MAGEC3: variants seen among roughly 807,000 people sequenced by gnomAD.
MAGEC3 encodes the protein MAGE family member C3.
Under a neutral mutation model 35.3 loss-of-function variants are expected in MAGEC3, and 34 were observed. The ratio of observed to expected loss-of-function variants is 0.96; its 90% confidence interval spans 0.73 to 1.28. The LOEUF is 1.28. Among genes scored for constraint, MAGEC3 ranks in the 50% most tolerant of loss-of-function variants. The pLI is 0.00. For missense variants in MAGEC3, 561 were observed against 483.6 expected (o/e 1.16, Z -1.50); for synonymous variants, 202 against 185.6 (o/e 1.09, Z -0.72).
At chrX:141,896,611 C>A (rs2018097293) in intron 6 of MAGEC3, 2 of 1,193,283 alleles carry the variant, frequency 1.7e-6, no homozygotes, top group African/African-American at 3.5e-5. Flanking sequence ...CATCCCCATC[C>A]CTGCTCACAC....
At chrX:141,896,580 C>A in intron 6 of MAGEC3, 1 of 1,190,467 alleles carries the variant, frequency 8.4e-7, no homozygotes, top group Non-Finnish European at 1.1e-6. Flanking sequence ...CACTGTCTTC[C>A]TCAGGCCTGT....
intron 4 of MAGEC3, among the ~76,000 whole-genome samples, chrX:141,894,242 C>A (rs1054217653): frequency 5.4e-5 from 6 of 111,996 alleles, no homozygotes; most frequent in Non-Finnish European, 5.6e-5. Context: ...TATGGAACTC[C>A]ACGCATTTGC....
intron 4 of MAGEC3, among the ~76,000 whole-genome samples, chrX:141,891,781 A>G (rs1213303572): frequency 9.4e-6 from 1 of 106,846 alleles, no homozygotes; most frequent in African/African-American, 3.4e-5. Flanking sequence ...ATGAGTAATG[A>G]CATACATGTA....
chrX:141,838,550 G>T, intron 1 of MAGEC3, 112 bp downstream of exon 1: 2 of 1,079,084 alleles, frequency 1.9e-6, no homozygotes. Context: ...GTCTGTTGGG[G>T]GTGAGGCTCT....
rs1187148112 is a variant in MAGEC3, at chrX:141,871,321, C to T, written c.258+5716C>T. Among the ~76,000 whole-genome samples, 7 of 110,650 alleles carry T rather than the reference C, an allele frequency of 6.3e-5. No homozygotes were observed. In the East Asian group the frequency reaches 2.0e-3, roughly 32 times the overall value. On this transcript the variant is annotated intron_variant, in intron 2 of 7. Coordinates refer to ENST00000298296, the MANE Select transcript of MAGEC3 (RefSeq NM_138702.1). Reference sequence around the variant, plus strand: ...ACAGATTTCGAGAGGTACTTATTTACGTCTAATTCCAGGGATTCCATAAGG... The same window carrying T: ...ACAGATTTCGAGAGGTACTTATTTATGTCTAATTCCAGGGATTCCATAAGG...
chrX:141,887,956 C>A (rs1182555682), intron 4 of MAGEC3, among the ~76,000 whole-genome samples: 1 of 112,253 alleles, frequency 8.9e-6, no homozygotes, highest in Non-Finnish European at 1.9e-5. Context: ...AATCACCATG[C>A]AACCTGAACT....
chrX:141,896,736 A>G, intron 6 of MAGEC3, 146 bp from the exon 7 acceptor site: 1 of 1,211,678 alleles, frequency 8.3e-7, no homozygotes, highest in Non-Finnish European at 1.1e-6. Flanking sequence ...TGGTAGATGC[A>G]CAGGATTCCA....
At chrX:141,886,626 TGG>T in intron 4 of MAGEC3, among the ~76,000 whole-genome samples, 1 of 110,882 alleles carries the variant, frequency 9.0e-6, no homozygotes. Flanking sequence ...TAGCTCAGCT[TGG>T]ACTTACAGAT....
intron 6 of MAGEC3, 21 bp downstream of exon 6, chrX:141,895,580 A>G (rs1569475861): frequency 8.5e-7 from 1 of 1,178,393 alleles, no homozygotes; most frequent in Non-Finnish European, 1.1e-6. Flanking sequence ...TCTAGGGAAT[A>G]AATAGGAAGA....
intron 4 of MAGEC3, among the ~76,000 whole-genome samples, chrX:141,887,316 G>A (rs1315597688): frequency 3.6e-5 from 4 of 112,204 alleles, no homozygotes; most frequent in Admixed American, 1.9e-4. Context: ...ATCACTGGTC[G>A]ACTACATTGA....
At chrX:141,857,384 C>T (rs1436335882) in intron 1 of MAGEC3, among the ~76,000 whole-genome samples, 1 of 110,868 alleles carries the variant, frequency 9.0e-6, no homozygotes, top group Non-Finnish European at 1.9e-5. Context: ...TAACTGGGTC[C>T]CTTCAGTTCT....
At position 141,879,025 on chromosome X, in the gene MAGEC3, G is replaced by T. The variant is rs184755830; in HGVS notation, c.259-150G>T. The stretch of plus-strand genomic sequence containing the variant: ...TGCACCTTGCAGGTCTCAGGGATGG[G>T]AGGGGCTTATTCGGAGGTGAAAGAC... On this transcript the variant is annotated intron_variant, in intron 2 of 7. Transcript: ENST00000298296. 7.8e-6 allele frequency: 5 copies of T among 637,677 alleles called. No homozygotes were observed. The African/African-American group carries it at 1.1e-4, about 14-fold the overall frequency. The allele number at this position is 637,677 out of a possible 1,213,427, so 52.6% of individuals were successfully genotyped here.
At chrX:141,885,125 T>G (rs1050499356) in intron 4 of MAGEC3, among the ~76,000 whole-genome samples, 1 of 111,784 alleles carries the variant, frequency 8.9e-6, no homozygotes, top group Non-Finnish European at 1.9e-5. Flanking sequence ...ATAACTAGAC[T>G]AAAGTCCTGG....
At chrX:141,879,960 G>A (rs761528264) in intron 3 of MAGEC3, among the ~76,000 whole-genome samples, 3 of 111,370 alleles carry the variant, frequency 2.7e-5, no homozygotes, top group South Asian at 7.7e-4. Flanking sequence ...AAGGGGAAAC[G>A]CCACCTCAGA....
intron 1 of MAGEC3, among the ~76,000 whole-genome samples, chrX:141,841,416 A>ACC (rs2017684943): frequency 8.9e-6 from 1 of 111,943 alleles, no homozygotes; most frequent in Non-Finnish European, 1.9e-5. Flanking sequence ...TAGTTATTAT[A>ACC]CATATTACCT....
At chrX:141,894,791 A>G (rs1247039117) in intron 4 of MAGEC3, 1 of 965,393 alleles carries the variant, frequency 1.0e-6, no homozygotes, top group Admixed American at 3.1e-5. Flanking sequence ...TGGACAAAAC[A>G]GATGGAGAGG....
At chrX:141,867,273 A>T (rs2124102284) in intron 2 of MAGEC3, among the ~76,000 whole-genome samples, 1 of 112,347 alleles carries the variant, frequency 8.9e-6, no homozygotes, top group African/African-American at 3.2e-5. Flanking sequence ...CAGATTTATT[A>T]ACTTCACCTT....
At chrX:141,854,771 G>A (rs1438799500) in intron 1 of MAGEC3, among the ~76,000 whole-genome samples, 11 of 111,657 alleles carry the variant, frequency 9.9e-5, no homozygotes, top group Non-Finnish European at 2.1e-4. Context: ...GGTGATGAAT[G>A]TTCCAGTCAA....
chrX:141,855,928 C>T (rs1333113591), intron 1 of MAGEC3, among the ~76,000 whole-genome samples: 1 of 111,292 alleles, frequency 9.0e-6, no homozygotes, highest in East Asian at 2.9e-4. Context: ...TCCAAGTTGG[C>T]GACTAGAACA....
Sources: allele counts gnomAD v4.1 joint callset (sites outside exome capture counted in the v4.1 genomes callset), GRCh38; gene constraint gnomAD v4.1.1; transcripts MANE v1.5; gene names NCBI Gene and HGNC (gene_info 2026-07-23, HGNC 2026-07-21).